MBP: variants seen among roughly 807,000 people sequenced by gnomAD.
MBP encodes the protein Golli-MBP.
A neutral mutation model predicts 35.8 loss-of-function variants in MBP; 16 were observed. The observed-to-expected ratio is 0.45, with a 90% CI of 0.30 to 0.68. MBP has a LOEUF of 0.68. Ranked by LOEUF, MBP falls within the 30% of genes least tolerant of loss-of-function variation. MBP has a pLI of 0.08. For missense variants in MBP, 380 were observed against 404.7 expected (o/e 0.94, Z 0.52); for synonymous variants, 143 against 159.6 (o/e 0.90, Z 0.78).
chr18:77,132,856 A>C (rs1977332737), upstream of MBP: 1 of 151,596 alleles, frequency 6.6e-6, no homozygotes. Context: ...CCTGCGAGCC[A>C]GGTAAACACA....
intron 1 of MBP, chr18:77,109,410 G>A (rs1177644048): frequency 6.6e-6 from 1 of 152,214 alleles, no homozygotes; most frequent in Non-Finnish European, 1.5e-5. Context: ...GGTGTGGAAG[G>A]TGAGGAAAGA....
rs534634263 is a variant in MBP, at chr18:77,004,421, T to A, written c.576+12411A>T. 2.6e-5 allele frequency: 4 copies of A among 152,312 alleles called. No individual in the cohort carries two copies. The East Asian group carries it at 7.7e-4, about 29-fold the overall frequency. The allele number at this position is 152,312 out of a possible 1,614,324, so 9.4% of individuals were successfully genotyped here. ...TTTTGCAGTTTGGAGAGAATTCTTT[T>A]CTGTCTGAATGACAGATGCAGTTTT... On this transcript the variant is annotated intron_variant, in intron 4 of 8. Transcript: ENST00000355994.
chr18:77,017,319 G>C, intron 3 of MBP, 51 bp from the exon 4 acceptor site: 3 of 1,454,092 alleles, frequency 2.1e-6, no homozygotes, highest in Non-Finnish European at 2.7e-6. Context: ...GCTGAGCACC[G>C]GACAAAGCAG....
At chr18:76,996,800 A>G (rs1970295047) in intron 4 of MBP, among the ~76,000 whole-genome samples, 1 of 152,206 alleles carries the variant, frequency 6.6e-6, no homozygotes, top group South Asian at 2.1e-4. Flanking sequence ...ACACAAATCC[A>G]TACGTGCATC....
At chr18:77,016,336 TGAG>T (rs1381659446) in intron 4 of MBP, 4 of 987,826 alleles carry the variant, frequency 4.0e-6, no homozygotes, top group African/African-American at 1.7e-5. Flanking sequence ...GGATTTAAAT[TGAG>T]GAGTTTGTTC....
chr18:77,058,451 TCCGGCAGACCC>T (rs938677949), intron 3 of MBP, among the ~76,000 whole-genome samples: 2 of 151,998 alleles, frequency 1.3e-5, no homozygotes, highest in Admixed American at 6.5e-5. Context: ...GGGAGCGGCC[TCCGGCAGACCC>T]CAGCCCCAGG....
chr18:77,028,737 C>T lies in MBP; in HGVS notation c.140-11469G>A, dbSNP rs1972370599. On this transcript the variant is annotated intron_variant, in intron 3 of 8. Transcript: ENST00000355994. ...CTCACCTCCCGGACGGGGCGGCTGGCCAGGCGGGGGGCTGATCCCCCCACC... is the reference window on the plus strand; with the variant it reads ...CTCACCTCCCGGACGGGGCGGCTGGTCAGGCGGGGGGCTGATCCCCCCACC... Among the ~76,000 whole-genome samples, 2 of 98,290 alleles carry T rather than the reference C, an allele frequency of 2.0e-5. 1 individual carries two copies. The highest frequency in any genetic ancestry group is 5.4e-5 in the Non-Finnish European group (2 of 37,328). The allele number at this position is 98,290 out of a possible 152,430, so 64.5% of individuals were successfully genotyped here.
intron 7 of MBP, chr18:76,986,573 G>A: frequency 1.0e-6 from 1 of 985,664 alleles, no homozygotes; most frequent in Non-Finnish European, 1.2e-6. Flanking sequence ...TGATTCGGGG[G>A]CTATCCAGTG....
At chr18:77,031,880 T>C (rs1972555290) in intron 3 of MBP, among the ~76,000 whole-genome samples, 2 of 152,140 alleles carry the variant, frequency 1.3e-5, no homozygotes, top group Non-Finnish European at 1.5e-5. Context: ...CTGTGCCCAG[T>C]GGGAGCCAGG....
intron 4 of MBP, chr18:77,014,480 A>G (rs1464216777): frequency 2.0e-6 from 2 of 985,344 alleles, no homozygotes; most frequent in African/African-American, 3.5e-5. Context: ...CGGGCCTTCC[A>G]CTGCTCGTTT....
chr18:77,096,433 T>G (rs761842117), intron 2 of MBP, among the ~76,000 whole-genome samples: 1 of 151,906 alleles, frequency 6.6e-6, no homozygotes, highest in Non-Finnish European at 1.5e-5. Flanking sequence ...TCATTCCTCC[T>G]GTCTGCAGTT....
intron 1 of MBP, chr18:77,115,036 T>C (rs1976611151): frequency 6.6e-6 from 1 of 152,326 alleles, no homozygotes; most frequent in Non-Finnish European, 1.5e-5. Context: ...CACTGGTTAA[T>C]ATTTTACAGG....
At chr18:77,132,299 G>C (rs1422137100) in intron 1 of MBP, among the ~76,000 whole-genome samples, 2 of 152,200 alleles carry the variant, frequency 1.3e-5, no homozygotes, top group East Asian at 1.9e-4. Flanking sequence ...CAGCCCCCGC[G>C]CAATGGGGAT....
intron 4 of MBP, among the ~76,000 whole-genome samples, chr18:77,011,255 C>T (rs1393691457): frequency 6.6e-6 from 1 of 152,130 alleles, no homozygotes; most frequent in African/African-American, 2.4e-5. Context: ...GAGGAGGTCT[C>T]CGTGGATAAG....
chr18:77,119,658 G>A (rs998940879), intron 1 of MBP, among the ~76,000 whole-genome samples: 1 of 152,214 alleles, frequency 6.6e-6, no homozygotes, highest in African/African-American at 2.4e-5. Flanking sequence ...AGACCACCTG[G>A]TGAGCCCCAG....
chr18:77,026,262 C>T (rs778508588), intron 3 of MBP, among the ~76,000 whole-genome samples: 2 of 152,326 alleles, frequency 1.3e-5, no homozygotes, highest in East Asian at 1.9e-4. Flanking sequence ...AGAGCGCGGG[C>T]GTTCTGAGGC....
chr18:77,060,575 C>T (rs1223284767), intron 3 of MBP, among the ~76,000 whole-genome samples: 1 of 151,184 alleles, frequency 6.6e-6, no homozygotes, highest in Admixed American at 6.6e-5. Context: ...CTCAGCCTTC[C>T]AAGTAGCCAG....
At chr18:77,003,417 T>C (rs1047789552) in intron 4 of MBP, 1 of 152,198 alleles carries the variant, frequency 6.6e-6, no homozygotes, top group African/African-American at 2.4e-5. Context: ...ATGAATTTGC[T>C]TTTTACTCTT....
chr18:76,996,453 C>T (rs747420652), intron 4 of MBP, among the ~76,000 whole-genome samples: 10 of 152,214 alleles, frequency 6.6e-5, no homozygotes, highest in Non-Finnish European at 4.4e-5. Context: ...CTAGATTTCA[C>T]TAAAACCTTC....
Sources: allele counts gnomAD v4.1 joint callset (sites outside exome capture counted in the v4.1 genomes callset), GRCh38; gene constraint gnomAD v4.1.1; transcripts MANE v1.5; gene names NCBI Gene and HGNC (gene_info 2026-07-23, HGNC 2026-07-21).